RC3H1: variants seen among roughly 807,000 people sequenced by gnomAD.
RC3H1 encodes roquin-1.
RC3H1 carries 50 observed loss-of-function variants against 138.2 expected under a neutral mutation model. The ratio of observed to expected loss-of-function variants is 0.36; its 90% CI spans 0.29 to 0.46. The LOEUF is 0.46. RC3H1 is among the 20% of genes least tolerant of loss of function. The pLI is 1.00. For synonymous variants in RC3H1, 462 were observed against 489.1 expected, an observed-to-expected ratio of 0.94 and a Z score of 0.73; for missense variants, 1,031 against 1,388.1, an observed-to-expected ratio of 0.74 and a Z score of 4.09.
At chr1:173,959,311 AAAT>A in intron 13 of RC3H1, among the ~76,000 whole-genome samples, 1 of 152,206 alleles carries the variant, frequency 6.6e-6, no homozygotes, top group East Asian at 1.9e-4. Context: ...TAATAATAGA[AAAT>A]AAAAATTTCC....
At chr1:174,007,175 G>A (rs1331963941) in intron 1 of RC3H1, among the ~76,000 whole-genome samples, 1 of 152,058 alleles carries the variant, frequency 6.6e-6, no homozygotes, top group African/African-American at 2.4e-5. Flanking sequence ...AGATCACGAG[G>A]TCAGGAAATT....
intron 14 of RC3H1, among the ~76,000 whole-genome samples, chr1:173,950,066 G>A (rs1659322012): frequency 1.3e-5 from 2 of 152,044 alleles, no homozygotes; most frequent in Admixed American, 1.3e-4. Context: ...CTCCTCGGGA[G>A]GCTGAGGCAG....
intron 9 of RC3H1, among the ~76,000 whole-genome samples, chr1:173,966,440 G>A (rs1660121616): frequency 1.3e-5 from 2 of 152,148 alleles, no homozygotes; most frequent in Non-Finnish European, 2.9e-5. Flanking sequence ...CCTCGGCTTG[G>A]CGCGGTGGCT....
At chr1:173,948,026 A>G (rs1471424581) in intron 14 of RC3H1, among the ~76,000 whole-genome samples, 1 of 152,132 alleles carries the variant, frequency 6.6e-6, no homozygotes, top group Non-Finnish European at 1.5e-5. Context: ...TACAGGTATA[A>G]GCCACTGCAC....
chr1:173,937,780 C>T lies in RC3H1; in HGVS notation c.*941G>A, dbSNP rs1658666589. 1 of 152,116 alleles carries T rather than the reference C, an allele frequency of 6.6e-6. No individual in the cohort carries two copies. Among genetic ancestry groups the T allele is most frequent in the Non-Finnish European group, 1.5e-5 (1 of 68,010 alleles). 9.4% of individuals were successfully genotyped at this position (152,116 alleles called of 1,614,324 possible). On this transcript the variant is annotated 3_prime_UTR_variant, in exon 20 of 20. Transcript: ENST00000367696. ...GCAGTTTTAAAACATAGTTGATTGT[C>T]CTTGTTTTTTAGCATCCTATGATGT...
intron 1 of RC3H1, among the ~76,000 whole-genome samples, chr1:174,003,952 C>T (rs965111988): frequency 6.6e-6 from 1 of 151,406 alleles, no homozygotes; most frequent in African/African-American, 2.4e-5. Flanking sequence ...TAAGCCACTG[C>T]GCCCGGCAAT....
intron 2 of RC3H1, among the ~76,000 whole-genome samples, chr1:173,988,995 T>G (rs1288999346): frequency 6.6e-6 from 1 of 152,188 alleles, no homozygotes; most frequent in Non-Finnish European, 1.5e-5. Context: ...TGTAGGTTGT[T>G]CTTTTTGCTT....
intron 8 of RC3H1, among the ~76,000 whole-genome samples, chr1:173,971,473 T>C (rs1660357432): frequency 6.6e-6 from 1 of 152,128 alleles, no homozygotes; most frequent in Admixed American, 6.5e-5. Context: ...TATGAAGAAC[T>C]TAAAATAGTT....
At chr1:173,941,823 T>A (rs1213545026) in intron 18 of RC3H1, among the ~76,000 whole-genome samples, 3 of 150,136 alleles carry the variant, frequency 2.0e-5, no homozygotes, top group Non-Finnish European at 4.4e-5. Context: ...TCCCAGCTAC[T>A]CAAGAGGCTG....
rs758949352 is a variant in RC3H1, at chr1:173,961,126, G to A, written c.2321C>T (p.Pro774Leu). ...QLEERKVISP[P>L]PFAPSPTLPP... ...CAAGGTTGGTGAAGGTGCAAAAGGA[G>A]GTGGAGAGATAACCTTTCTTTCCTC... The change falls in exon 13 of 20, where the codon CCT (proline) becomes CTT (leucine). Residue 774 changes from proline to leucine, a missense_variant. Pro to Leu is a moderately conservative substitution (Grantham distance 98). Transcript: ENST00000367696. 1.2e-6 allele frequency: 2 copies of A among 1,614,060 alleles called. No individual in the cohort carries two copies. The highest frequency in any genetic ancestry group is 3.3e-5 in the Admixed American group (2 of 60,010).
chr1:174,014,321 T>C (rs141309269), intron 1 of RC3H1, among the ~76,000 whole-genome samples: 6 of 152,162 alleles, frequency 3.9e-5, no homozygotes, highest in African/African-American at 1.4e-4. Flanking sequence ...AAATGGGAAC[T>C]GTGTATTTTT....
intron 2 of RC3H1, among the ~76,000 whole-genome samples, chr1:173,990,084 C>CTT (rs1288237967): frequency 1.5e-5 from 2 of 137,346 alleles, no homozygotes; most frequent in African/African-American, 5.5e-5. Context: ...TATAGTTTTA[C>CTT]ATTTTTTTTT....
intron 6 of RC3H1, among the ~76,000 whole-genome samples, chr1:173,979,035 AT>A (rs1224651121): frequency 6.6e-6 from 1 of 152,230 alleles, no homozygotes; most frequent in Non-Finnish European, 1.5e-5. Context: ...GGCTATTTAA[AT>A]TTAAGTTAAT....
intron 14 of RC3H1, among the ~76,000 whole-genome samples, chr1:173,949,939 G>A (rs1659312971): frequency 6.6e-6 from 1 of 152,090 alleles, no homozygotes; most frequent in South Asian, 2.1e-4. Flanking sequence ...GGCCGAGGAG[G>A]GCAGAGCACC....
intron 7 of RC3H1, among the ~76,000 whole-genome samples, chr1:173,976,860 C>T (rs1017035688): frequency 4.0e-5 from 6 of 151,664 alleles, no homozygotes; most frequent in African/African-American, 9.7e-5. Flanking sequence ...AACCTTATTC[C>T]GTAAGCAATT....
chr1:174,018,749 A>G (rs1337289202), intron 1 of RC3H1, among the ~76,000 whole-genome samples: 5 of 152,220 alleles, frequency 3.3e-5, no homozygotes, highest in Non-Finnish European at 7.3e-5. Context: ...CTGAGCACAG[A>G]CGGGGCCAAA....
In RC3H1 at chr1:173,946,300, GTTTTCTGTT is replaced by G. The variant is rs779416914; in HGVS notation, c.2961+167_2961+175del. 3.9e-4 allele frequency among the ~76,000 whole-genome samples: 59 copies of G among 152,112 alleles called. 1 individual carries two copies. Among genetic ancestry groups the G allele is most frequent in the Admixed American group, 1.6e-3 (24 of 15,270 alleles). On this transcript the variant is annotated intron_variant, in intron 17 of 19. Transcript: ENST00000367696. ...TATTTTTAGGTAGCAGAAATTTTAC[GTTTTCTGTT>G]GTCCCAGAGCTAAATCCAGTATTGA...
At chr1:173,991,539 C>G (rs1661287609) in intron 2 of RC3H1, among the ~76,000 whole-genome samples, 3 of 152,182 alleles carry the variant, frequency 2.0e-5, no homozygotes. Context: ...AGATCCTTGA[C>G]TTGTTCCTGA....
rs1440555189 is a variant in RC3H1, at chr1:173,934,927, T to C, written c.*3794A>G. 1 of 152,142 alleles carries C rather than the reference T, an allele frequency of 6.6e-6. No individual in the cohort carries two copies. The highest frequency in any genetic ancestry group is 1.5e-5 in the Non-Finnish European group (1 of 68,024). The allele number at this position is 152,142 out of a possible 1,614,324, so 9.4% of individuals were successfully genotyped here. On this transcript the variant is annotated 3_prime_UTR_variant, in exon 20 of 20. Coordinates refer to ENST00000367696, the MANE Select transcript of RC3H1 (RefSeq NM_172071.4). ...TACTCAAAGTAGCAAATGAGAATCA[T>C]ACCAATATTCTTTTAGGCAAAAGAA...
Sources: gnomAD v4.1 joint callset for allele counts (sites outside exome capture counted in the v4.1 genomes callset) on GRCh38, gnomAD v4.1.1 for gene constraint, MANE v1.5 for transcripts, NCBI Gene and HGNC (gene_info 2026-07-23, HGNC 2026-07-21) for gene names.